Variants in TANGO6 observed in about 807,000 individuals in gnomAD.
TANGO6 encodes the protein transport and golgi organization 6 homolog.
A neutral mutation model predicts 114.2 loss-of-function variants in TANGO6; 90 were observed. That is an observed-to-expected ratio of 0.79 (90% confidence interval 0.66 to 0.94). The LOEUF is 0.94. TANGO6 is among the 40% of genes least tolerant of loss of function. TANGO6 has a pLI of 0.00. For missense variants in TANGO6, 1,274 were observed against 1,315.3 expected, an observed-to-expected ratio of 0.97 and a Z score of 0.49; for synonymous variants, 477 against 509.8, an observed-to-expected ratio of 0.94 and a Z score of 0.87.
intron 12 of TANGO6, among the ~76,000 whole-genome samples, chr16:68,920,106 G>C (rs1269975929): frequency 6.6e-6 from 1 of 152,174 alleles, no homozygotes; most frequent in Non-Finnish European, 1.5e-5. Flanking sequence ...CACATACTAA[G>C]CTAGGGTGCT....
chr16:69,076,533 G>T (rs1023148030), intron 17 of TANGO6, among the ~76,000 whole-genome samples: 3 of 152,196 alleles, frequency 2.0e-5, no homozygotes, highest in Admixed American at 6.5e-5. Context: ...ACAAGGAAGT[G>T]AATGAGTAAG....
intron 17 of TANGO6, among the ~76,000 whole-genome samples, chr16:69,054,540 T>C (rs1398057030): frequency 3.3e-5 from 5 of 152,146 alleles, no homozygotes; most frequent in African/African-American, 1.2e-4. Context: ...AAGAGGATAC[T>C]ATTAATAATT....
intron 11 of TANGO6, among the ~76,000 whole-genome samples, chr16:68,915,559 C>T (rs1471155733): frequency 6.6e-6 from 1 of 152,210 alleles, no homozygotes; most frequent in Non-Finnish European, 1.5e-5. Flanking sequence ...CCACTGTGCC[C>T]AGCTAAGGAG....
chr16:68,912,842 G>A (rs892391734), intron 11 of TANGO6, among the ~76,000 whole-genome samples: 8 of 150,496 alleles, frequency 5.3e-5, no homozygotes, highest in East Asian at 2.0e-4. Flanking sequence ...TTGGGAGGCC[G>A]AGGTGAGCGG....
At chr16:68,885,965 C>A (rs914704201) in intron 7 of TANGO6, among the ~76,000 whole-genome samples, 1 of 152,156 alleles carries the variant, frequency 6.6e-6, no homozygotes, top group African/African-American at 2.4e-5. Context: ...GAGGACCTGC[C>A]AAACTTTTCC....
At chr16:68,952,670 G>A (rs1472971119) in intron 14 of TANGO6, among the ~76,000 whole-genome samples, 1 of 152,164 alleles carries the variant, frequency 6.6e-6, no homozygotes, top group Admixed American at 6.6e-5. Context: ...TGTCTGTACA[G>A]TTTGGGCAAC....
At chr16:68,939,121 C>T (rs569849865) in intron 14 of TANGO6, among the ~76,000 whole-genome samples, 1 of 138,168 alleles carries the variant, frequency 7.2e-6, no homozygotes, top group Non-Finnish European at 1.6e-5. Context: ...ACAAAAAAAA[C>T]CTTAAAAGTT....
chr16:68,962,671 G>C (rs1455466661), intron 14 of TANGO6, among the ~76,000 whole-genome samples: 2 of 152,136 alleles, frequency 1.3e-5, no homozygotes, highest in Non-Finnish European at 2.9e-5. Context: ...TGAGGCAGGA[G>C]AATTGCTTGA....
intron 17 of TANGO6, among the ~76,000 whole-genome samples, chr16:69,060,096 C>G (rs1960092332): frequency 6.6e-6 from 1 of 152,180 alleles, no homozygotes; most frequent in Admixed American, 6.6e-5. Context: ...CTTCCTTCCC[C>G]CAGCTATCCA....
intron 15 of TANGO6, among the ~76,000 whole-genome samples, chr16:68,976,223 T>G (rs1322597598): frequency 6.6e-6 from 1 of 152,210 alleles, no homozygotes; most frequent in African/African-American, 2.4e-5. Flanking sequence ...CATGAGCCGC[T>G]GCACCCAGCC....
chr16:68,958,217 G>C (rs1963553257), intron 14 of TANGO6, among the ~76,000 whole-genome samples: 1 of 151,434 alleles, frequency 6.6e-6, no homozygotes, highest in African/African-American at 2.4e-5. Flanking sequence ...TATGAGCCGG[G>C]TGCAGTCACT....
chr16:68,972,272 G>T lies in TANGO6; in HGVS notation c.2702-1756G>T, dbSNP rs80112941. Among the ~76,000 whole-genome samples the T allele has an allele frequency of 5.9e-4, 90 of 152,190 alleles. 1 individual carries two copies. The East Asian group carries it at 0.017, about 29-fold the overall frequency. ...GGGAGGGCAGAAAGGAGGATGGGCA[G>T]ACAGGTGCAGCCCTCAGCAGGTGCT... is the stretch of plus-strand genomic sequence containing the variant. On this transcript the variant is annotated intron_variant, in intron 14 of 17. Coordinates refer to ENST00000261778, the MANE Select transcript of TANGO6 (RefSeq NM_024562.2).
intron 4 of TANGO6, among the ~76,000 whole-genome samples, chr16:68,869,257 G>T (rs1962228646): frequency 6.6e-6 from 1 of 152,222 alleles, no homozygotes; most frequent in African/African-American, 2.4e-5. Flanking sequence ...GCCAAGGCAG[G>T]TGGATAGTTT....
intron 12 of TANGO6, among the ~76,000 whole-genome samples, chr16:68,921,247 A>G (rs554631765): frequency 9.3e-5 from 14 of 151,036 alleles, no homozygotes; most frequent in African/African-American, 2.9e-4. Context: ...CAGTGGCACA[A>G]TCTCAGCTCA....
chr16:69,041,629 C>G (rs927345988), intron 17 of TANGO6, among the ~76,000 whole-genome samples: 7 of 152,098 alleles, frequency 4.6e-5, no homozygotes, highest in African/African-American at 1.7e-4. Context: ...GTTGTTGCAC[C>G]TCACTAGCGA....
chr16:69,060,724 T>G (rs1158871124), intron 17 of TANGO6, among the ~76,000 whole-genome samples: 2 of 152,224 alleles, frequency 1.3e-5, no homozygotes, highest in East Asian at 3.9e-4. Flanking sequence ...CCAGGCATGG[T>G]GGCTCACACC....
chr16:68,875,345 A>G (rs1202539534), intron 5 of TANGO6, 55 bp downstream of exon 5: 1 of 1,582,722 alleles, frequency 6.3e-7, no homozygotes. Flanking sequence ...ATTTACAGAA[A>G]GAGGACTTTT....
intron 1 of TANGO6, among the ~76,000 whole-genome samples, chr16:68,854,625 T>G (rs572512855): frequency 0.015 from 2,237 of 152,112 alleles, 50 homozygotes; most frequent in African/African-American, 0.051. Context: ...AAAGTTTTTT[T>G]TTTTTTTTTT....
intron 16 of TANGO6, among the ~76,000 whole-genome samples, chr16:69,032,602 G>A (rs1335415906): frequency 6.6e-6 from 1 of 152,096 alleles, no homozygotes; most frequent in Non-Finnish European, 1.5e-5. Flanking sequence ...CTGTTGGCCG[G>A]GCATGGTGGC....
Sources: allele counts gnomAD v4.1 joint callset (sites outside exome capture counted in the v4.1 genomes callset), GRCh38; gene constraint gnomAD v4.1.1; transcripts MANE v1.5; gene names NCBI Gene and HGNC (gene_info 2026-07-23, HGNC 2026-07-21).